Variants in PTER observed in about 807,000 individuals in gnomAD.
PTER encodes the protein N-acetyltaurine hydrolase.
A neutral mutation model predicts 29.6 loss-of-function variants in PTER; 38 were observed. The observed-to-expected ratio is 1.28, with a 90% CI of 0.99 to 1.68. PTER has a LOEUF of 1.68. Ranked by LOEUF, PTER falls within the 40% of genes most tolerant of loss-of-function variation. The pLI, the probability that PTER is intolerant of heterozygous loss-of-function variation, is 0.00. For synonymous variants in PTER, 172 were observed against 154.5 expected (o/e 1.11, Z -0.84); for missense variants, 482 against 427.8 (o/e 1.13, Z -1.12).
At chr10:16,451,435 G>C (rs374608785) in intron 1 of PTER, among the ~76,000 whole-genome samples, 7 of 152,224 alleles carry the variant, frequency 4.6e-5, no homozygotes, top group Admixed American at 4.6e-4. Flanking sequence ...TATGCTGGGC[G>C]TGGTGGCTCA....
chr10:16,505,297 G>A (rs745867520), intron 4 of PTER, 137 bp downstream of exon 4: 17 of 1,119,172 alleles, frequency 1.5e-5, no homozygotes, highest in South Asian at 3.4e-5. Flanking sequence ...ATATATCTAT[G>A]CTGTTTCAGG....
rs181646916 is a variant in PTER at position 16,457,211 on chromosome 10, T to C, written c.-49+20164T>C. 1.6e-3 allele frequency among the ~76,000 whole-genome samples: 243 copies of C among 152,136 alleles called. 1 individual carries two copies. The highest frequency in any genetic ancestry group is 5.5e-3 in the African/African-American group (229 of 41,520). ...CCTTTAGTTGTTTTGTTTGTTTGTT[T>C]GTTTGTTTGTTTGTTTTTTGAGATG... On this transcript the variant is annotated intron_variant, in intron 1 of 4. Coordinates refer to ENST00000535784, the MANE Select transcript of PTER (RefSeq NM_001261836.2).
In PTER at chr10:16,504,872, C is replaced by T. The variant is rs934994926; in HGVS notation, c.699-148C>T. On this transcript the variant is annotated intron_variant, in intron 3 of 4. Coordinates refer to ENST00000535784, the MANE Select transcript of PTER (RefSeq NM_001261836.2). The stretch of plus-strand genomic sequence containing the variant: ...CAAATTGAACTTACTGTTTTATACT[C>T]ACATCATTAAGAGCCATTTCAGAAG... 23 of 795,748 alleles carry T rather than the reference C, an allele frequency of 2.9e-5. No individual in the cohort carries two copies. In the East Asian group the frequency reaches 4.7e-4, roughly 16 times the overall value. 49.3% of individuals were successfully genotyped at this position (795,748 alleles called of 1,614,324 possible). A position where few individuals can be genotyped will look rare whatever the true frequency, so the allele number is the denominator to read the frequency against.
chr10:16,475,453 G>A (rs138694584), intron 1 of PTER, among the ~76,000 whole-genome samples: 51 of 152,266 alleles, frequency 3.3e-4, no homozygotes, highest in Non-Finnish European at 6.6e-4. Context: ...CTCCATGTAG[G>A]AAGGTAGCCA....
intron 3 of PTER, among the ~76,000 whole-genome samples, chr10:16,502,298 C>G (rs1180703453): frequency 6.6e-6 from 1 of 152,100 alleles, no homozygotes; most frequent in Non-Finnish European, 1.5e-5. Flanking sequence ...GCTTACATTA[C>G]TTTAATTGTG....
At chr10:16,446,021 C>G (rs1482664002) in intron 1 of PTER, among the ~76,000 whole-genome samples, 2 of 152,144 alleles carry the variant, frequency 1.3e-5, no homozygotes, top group Non-Finnish European at 2.9e-5. Context: ...TAGTAAAGTG[C>G]ATCTTCAAGA....
At chr10:16,440,467 G>A (rs1833808819) in intron 1 of PTER, among the ~76,000 whole-genome samples, 1 of 152,088 alleles carries the variant, frequency 6.6e-6, no homozygotes. Flanking sequence ...GCATAAACTG[G>A]CTCTGTGGTT....
chr10:16,505,292 T>G, intron 4 of PTER, 132 bp downstream of exon 4: 1 of 1,161,352 alleles, frequency 8.6e-7, no homozygotes, highest in Admixed American at 2.3e-5. Flanking sequence ...GAAAAATATA[T>G]CTATGCTGTT....
At chr10:16,472,786 G>A (rs1564395425) in intron 1 of PTER, among the ~76,000 whole-genome samples, 1 of 152,088 alleles carries the variant, frequency 6.6e-6, no homozygotes, top group African/African-American at 2.4e-5. Context: ...CTATTATGTT[G>A]TGCCATCTGG....
At chr10:16,451,844 A>G (rs996990389) in intron 1 of PTER, among the ~76,000 whole-genome samples, 5 of 152,208 alleles carry the variant, frequency 3.3e-5, no homozygotes, top group African/African-American at 4.8e-5. Context: ...ATGAAATAAA[A>G]TGAATTCGTT....
At chr10:16,473,519 G>GCAAAAAA in intron 1 of PTER, among the ~76,000 whole-genome samples, 1 of 28,156 alleles carries the variant, frequency 3.6e-5, no homozygotes, top group Non-Finnish European at 6.0e-5. Flanking sequence ...GACTCCATCC[G>GCAAAAAA]AAAAAAAAAA....
chr10:16,504,811 C>A (rs1357074657), intron 3 of PTER, among the ~76,000 whole-genome samples: 1 of 152,182 alleles, frequency 6.6e-6, no homozygotes, highest in African/African-American at 2.4e-5. Context: ...GGGGAAAACT[C>A]CTTTTTAGAT....
At chr10:16,485,016 A>C (rs531206759) in intron 2 of PTER, among the ~76,000 whole-genome samples, 200 bp downstream of exon 2, 1 of 152,308 alleles carries the variant, frequency 6.6e-6, no homozygotes, top group South Asian at 2.1e-4. Context: ...CCTTGTGGTA[A>C]AGAAAAAAGA....
rs1834234220 is a variant in PTER at position 16,452,194 on chromosome 10, T to TATACACACAC, written c.-49+15148_-49+15149insTACACACACA. Among the ~76,000 whole-genome samples, 7 of 146,318 alleles carry TATACACACAC rather than the reference T, an allele frequency of 4.8e-5. No individual in the cohort carries two copies. In the South Asian group the frequency reaches 1.5e-3, roughly 32 times the overall value. On this transcript the variant is annotated intron_variant, in intron 1 of 4. Coordinates refer to ENST00000535784, the MANE Select transcript of PTER (RefSeq NM_001261836.2). Reference sequence around the variant, plus strand: ...AAATCAGTTTGAACCACCAGTGGGATACACACACACACACACACACACACA... The same window carrying TATACACACAC: ...AAATCAGTTTGAACCACCAGTGGGATATACACACACACACACACACACACACACACACACA...
chr10:16,449,961 C>G (rs1564385274), intron 1 of PTER, among the ~76,000 whole-genome samples: 1 of 152,200 alleles, frequency 6.6e-6, no homozygotes. Context: ...AGAACCTTTT[C>G]TAACACCCTG....
At chr10:16,457,122 G>C (rs1015206292) in intron 1 of PTER, among the ~76,000 whole-genome samples, 2 of 152,066 alleles carry the variant, frequency 1.3e-5, no homozygotes, top group African/African-American at 2.4e-5. Context: ...GAATACAAAG[G>C]CTTCAGCGAG....
chr10:16,472,224 G>A (rs565942330), intron 1 of PTER, among the ~76,000 whole-genome samples: 1 of 152,286 alleles, frequency 6.6e-6, no homozygotes, highest in South Asian at 2.1e-4. Context: ...CGTATTGCTA[G>A]TATAAGTTCC....
rs140432705 is a variant in PTER at position 16,510,973 on chromosome 10, T to C, written c.840-73T>C. The C allele has an allele frequency of 2.0e-4, 262 of 1,323,918 alleles. No individual in the cohort carries two copies. The African/African-American group carries it at 3.5e-3, about 18-fold the overall frequency. 82.0% of individuals were successfully genotyped at this position (1,323,918 alleles called of 1,614,324 possible). A position where few individuals can be genotyped will look rare whatever the true frequency, so the allele number is the denominator to read the frequency against. On this transcript the variant is annotated intron_variant, in intron 4 of 4. Coordinates refer to ENST00000535784, the MANE Select transcript of PTER (RefSeq NM_001261836.2). ...ACGACAAGCACAATAGGTTAATGAG[T>C]AAAAAGTTGAAAGCATCCTGAAAAG...
intron 1 of PTER, among the ~76,000 whole-genome samples, chr10:16,452,642 CTCT>C (rs967939706): frequency 8.6e-5 from 13 of 151,758 alleles, no homozygotes; most frequent in East Asian, 3.9e-4. Context: ...CTCCTTCTTC[CTCT>C]TCTTCTTCTC....
Sources: allele counts gnomAD v4.1 joint callset (sites outside exome capture counted in the v4.1 genomes callset), GRCh38; gene constraint gnomAD v4.1.1; transcripts MANE v1.5; gene names NCBI Gene and HGNC (gene_info 2026-07-23, HGNC 2026-07-21).